The following AP2B1 variants were observed in gnomAD, a reference collection of about 807,000 sequenced individuals.
The protein encoded by AP2B1 is AP-2 complex subunit beta.
A neutral mutation model predicts 102.0 loss-of-function variants in AP2B1; 23 were observed. That is an observed-to-expected ratio of 0.23 (90% confidence interval 0.16 to 0.32). The LOEUF (loss-of-function observed/expected upper bound fraction) is 0.32. Ranked by LOEUF, AP2B1 falls within the 10% of genes least tolerant of loss-of-function variation. The pLI is 1.00. For missense variants in AP2B1, 541 were observed against 1,157.4 expected, an observed-to-expected ratio of 0.47 and a Z score of 7.73; for synonymous variants, 381 against 421.2, an observed-to-expected ratio of 0.90 and a Z score of 1.17.
chr17:35,681,952 C>T (rs1328137029), intron 17 of AP2B1, among the ~76,000 whole-genome samples: 1 of 152,134 alleles, frequency 6.6e-6, no homozygotes, highest in African/African-American at 2.4e-5. Context: ...TTGATTCCTG[C>T]TATCCCTTTT....
At chr17:35,633,901 C>T (rs547951664) in intron 9 of AP2B1, among the ~76,000 whole-genome samples, 8 of 152,270 alleles carry the variant, frequency 5.3e-5, no homozygotes, top group African/African-American at 1.4e-4. Context: ...AATACTAGCA[C>T]TTTGGGAGGC....
intron 14 of AP2B1, among the ~76,000 whole-genome samples, chr17:35,667,933 ATTTTTTTTT>A (rs34486349): frequency 8.3e-6 from 1 of 120,176 alleles, no homozygotes; most frequent in Non-Finnish European, 1.7e-5. Flanking sequence ...CGCTGCTCAA[ATTTTTTTTT>A]TTTTTTTTTT....
At chr17:35,594,471 A>C (rs1328082912) in intron 2 of AP2B1, among the ~76,000 whole-genome samples, 1 of 152,258 alleles carries the variant, frequency 6.6e-6, no homozygotes, top group Non-Finnish European at 1.5e-5. Context: ...AAAAGGTAAA[A>C]ATGAAAGTTC....
At chr17:35,699,090 A>G (rs1291296179) in intron 18 of AP2B1, among the ~76,000 whole-genome samples, 1 of 152,240 alleles carries the variant, frequency 6.6e-6, no homozygotes, top group Non-Finnish European at 1.5e-5. Context: ...GAGAAGTCAT[A>G]GTATTTCAGT....
intron 15 of AP2B1, among the ~76,000 whole-genome samples, chr17:35,671,439 A>C (rs965640699): frequency 6.6e-6 from 1 of 152,202 alleles, no homozygotes; most frequent in Non-Finnish European, 1.5e-5. Context: ...TTCTTAGGGT[A>C]CCCGTAGGCC....
intron 1 of AP2B1, among the ~76,000 whole-genome samples, chr17:35,592,848 T>C (rs2142290827): frequency 6.6e-6 from 1 of 152,240 alleles, no homozygotes; most frequent in Admixed American, 6.5e-5. Context: ...GCCCCAAAAT[T>C]TTAATATATT....
At chr17:35,612,589 A>G (rs1022208439) in intron 5 of AP2B1, among the ~76,000 whole-genome samples, 3 of 152,170 alleles carry the variant, frequency 2.0e-5, no homozygotes, top group Admixed American at 6.5e-5. Flanking sequence ...TTTACTTACA[A>G]TGTTTCACTT....
intron 6 of AP2B1, 94 bp downstream of exon 6, chr17:35,624,681 G>T (rs1310818114): frequency 9.2e-6 from 11 of 1,192,122 alleles, no homozygotes; most frequent in South Asian, 1.6e-5. Flanking sequence ...AGGAAGGTCA[G>T]TGGCTTCTGG....
At position 35,622,672 on chromosome 17, in the gene AP2B1, T is replaced by C. The variant is rs146318405; in HGVS notation, c.526-1725T>C. Among the ~76,000 whole-genome samples, 339 of 152,296 alleles carry C rather than the reference T, an allele frequency of 2.2e-3. 1 individual carries two copies. Among genetic ancestry groups the C allele is most frequent in the African/African-American group, 8.0e-3 (331 of 41,564 alleles). ...CATTTATACTTGGAGAATATTTATT[T>C]ATTTATTTTTGAGACGGAGTCTCAC... On this transcript the variant is annotated intron_variant, in intron 5 of 21. Transcript: ENST00000610402.
chr17:35,598,198 G>C, intron 2 of AP2B1, 32 bp from the exon 3 acceptor site: 1 of 1,450,944 alleles, frequency 6.9e-7, no homozygotes, highest in Non-Finnish European at 9.7e-7. Context: ...TGTGGTACTG[G>C]AACCTTACCA....
In AP2B1 at chr17:35,639,611, G is replaced by T; in HGVS notation, c.1288G>T (p.Ala430Ser). Reference protein sequence around the residue: ...KYPNKYESIIATLCENLDSLD... With the variant: ...KYPNKYESIISTLCENLDSLD... Reference sequence around the variant, plus strand: ...TTTCATCAGGTATGAAAGTATCATCGCCACTCTGTGTGAGAACTTAGACTC... The same window carrying T: ...TTTCATCAGGTATGAAAGTATCATCTCCACTCTGTGTGAGAACTTAGACTC... Residue 430 changes from alanine to serine, a missense_variant, in exon 11 of 22, where the codon GCC becomes TCC. Transcript: ENST00000610402. 6.2e-7 allele frequency: 1 copy of T among 1,612,304 alleles called. No homozygotes were observed. The highest frequency in any genetic ancestry group is 8.5e-7 in the Non-Finnish European group (1 of 1,179,376).
chr17:35,671,376 G>A (rs2075583512), intron 15 of AP2B1, among the ~76,000 whole-genome samples: 1 of 152,178 alleles, frequency 6.6e-6, no homozygotes, highest in African/African-American at 2.4e-5. Flanking sequence ...GGTGGAAATG[G>A]AACTGCTGTT....
intron 10 of AP2B1, among the ~76,000 whole-genome samples, chr17:35,638,767 C>T (rs991614123): frequency 7.4e-6 from 1 of 135,730 alleles, no homozygotes; most frequent in Non-Finnish European, 1.5e-5. Flanking sequence ...CCAGCCTGGG[C>T]GACAGAGCAA....
At chr17:35,649,734 T>C (rs896418138) in intron 12 of AP2B1, among the ~76,000 whole-genome samples, 2 of 152,168 alleles carry the variant, frequency 1.3e-5, no homozygotes, top group Non-Finnish European at 2.9e-5. Flanking sequence ...TACAGAATTA[T>C]GACTATATTA....
chr17:35,670,399 A>G (rs758716053), intron 14 of AP2B1, among the ~76,000 whole-genome samples: 13 of 152,180 alleles, frequency 8.5e-5, no homozygotes, highest in Non-Finnish European at 1.9e-4. Flanking sequence ...ATTAAAACAC[A>G]TTAATTGTTT....
At chr17:35,661,629 G>C (rs2075360594) in intron 14 of AP2B1, among the ~76,000 whole-genome samples, 2 of 152,164 alleles carry the variant, frequency 1.3e-5, no homozygotes, top group Admixed American at 1.3e-4. Context: ...CTCAGTCCCA[G>C]GGTCCTTTTT....
chr17:35,625,199 A>G (rs775281130), intron 6 of AP2B1, among the ~76,000 whole-genome samples: 46 of 152,204 alleles, frequency 3.0e-4, no homozygotes, highest in Non-Finnish European at 4.9e-4. Context: ...ATTATCCCTA[A>G]TTTTTATTGA....
chr17:35,604,642 C>T (rs999642893), intron 3 of AP2B1, among the ~76,000 whole-genome samples: 1 of 152,082 alleles, frequency 6.6e-6, no homozygotes, highest in Non-Finnish European at 1.5e-5. Context: ...CCTGTAATCT[C>T]AGCTACTTAG....
intron 17 of AP2B1, among the ~76,000 whole-genome samples, chr17:35,674,646 A>T (rs948058457): frequency 6.6e-6 from 1 of 152,234 alleles, no homozygotes; most frequent in South Asian, 2.1e-4. Context: ...CCAAGGTTGC[A>T]GTGAGCCGAG....
Sources: gnomAD v4.1 joint callset for allele counts (sites outside exome capture counted in the v4.1 genomes callset) on GRCh38, gnomAD v4.1.1 for gene constraint, MANE v1.5 for transcripts, NCBI Gene and HGNC (gene_info 2026-07-23, HGNC 2026-07-21) for gene names.